Variants in COL25A1 observed in about 807,000 individuals in gnomAD.
COL25A1 encodes the protein collagen type XXV alpha 1 chain.
COL25A1 carries 103 observed loss-of-function variants against 128.4 expected under a neutral mutation model. That is an observed-to-expected ratio of 0.80 (90% confidence interval 0.68 to 0.94). The LOEUF (loss-of-function observed/expected upper bound fraction) is 0.94. Among genes scored for constraint, COL25A1 ranks in the 40% least tolerant of loss-of-function variants. The pLI is 0.00. For missense variants in COL25A1, 745 were observed against 840.0 expected (o/e 0.89, Z 1.40); for synonymous variants, 279 against 277.2 (o/e 1.01, Z -0.06).
intron 3 of COL25A1, among the ~76,000 whole-genome samples, chr4:109,130,606 G>A (rs1769103515): frequency 6.6e-6 from 1 of 152,100 alleles, no homozygotes; most frequent in African/African-American, 2.4e-5. Flanking sequence ...ATAGAAATGA[G>A]CAGCAAATGA....
Position 109,235,057 on chromosome 4 carries a change from T to A in COL25A1, c.367+65526A>T, listed in dbSNP as rs191243443. Among the ~76,000 whole-genome samples, 3 of 152,230 alleles carry A rather than the reference T, an allele frequency of 2.0e-5. No individual in the cohort carries two copies. The East Asian group carries it at 5.8e-4, about 29-fold the overall frequency. ...GCTGTGAAACCCAGCAGTCACTGTT[T>A]GGGTCAGAACAGGTTTGGAGCTCCT... On this transcript the variant is annotated intron_variant, in intron 3 of 37. Transcript: ENST00000399132.
chr4:108,875,508 T>G (rs989388065), intron 19 of COL25A1, among the ~76,000 whole-genome samples: 15 of 152,116 alleles, frequency 9.9e-5, no homozygotes, highest in Non-Finnish European at 2.2e-4. Context: ...AAAACCACAA[T>G]GAGATACCAT....
chr4:108,942,138 T>C (rs981735347), intron 8 of COL25A1: 6 of 1,484,898 alleles, frequency 4.0e-6, no homozygotes, highest in Non-Finnish European at 4.6e-6. Context: ...GGCAAGCCAA[T>C]TGAATGGTTC....
Position 108,950,182 on chromosome 4 carries a change from C to T in COL25A1, c.493-8745G>A, listed in dbSNP as rs148374588. On this transcript the variant is annotated intron_variant, in intron 8 of 37. Coordinates refer to ENST00000399132, the MANE Select transcript of COL25A1 (RefSeq NM_198721.4). ...AGGCATGAGGAGGCAGAGTGCAAGA[C>T]ATAACTTGTCTACCAACATTTCTAG... is the stretch of plus-strand genomic sequence containing the variant. Among the ~76,000 whole-genome samples the T allele has an allele frequency of 6.6e-5, 10 of 152,292 alleles. No homozygotes were observed. The East Asian group carries it at 1.9e-3, about 29-fold the overall frequency.
At chr4:109,257,663 C>T (rs1468833511) in intron 3 of COL25A1, among the ~76,000 whole-genome samples, 7 of 152,098 alleles carry the variant, frequency 4.6e-5, no homozygotes, top group Admixed American at 3.3e-4. Context: ...ATTGTTATTC[C>T]ACAAGTAAGC....
intron 5 of COL25A1, among the ~76,000 whole-genome samples, chr4:109,020,425 G>T (rs961698375): frequency 1.3e-5 from 2 of 149,550 alleles, no homozygotes; most frequent in Admixed American, 6.7e-5. Flanking sequence ...AAAATAAGTG[G>T]TTCATCTAAA....
chr4:109,114,616 T>C (rs919579782), intron 3 of COL25A1, among the ~76,000 whole-genome samples: 6 of 152,042 alleles, frequency 3.9e-5, no homozygotes, highest in Non-Finnish European at 5.9e-5. Context: ...TTACAAATAC[T>C]TCAGGAAGGC....
chr4:108,862,017 A>G (rs1278321930), intron 22 of COL25A1, among the ~76,000 whole-genome samples: 1 of 152,202 alleles, frequency 6.6e-6, no homozygotes, highest in Non-Finnish European at 1.5e-5. Context: ...AGCATTTTAA[A>G]TAATATGATT....
intron 6 of COL25A1, among the ~76,000 whole-genome samples, chr4:108,986,491 T>A (rs1247035848): frequency 3.1e-4 from 47 of 152,218 alleles, no homozygotes; most frequent in African/African-American, 1.1e-3. Context: ...GAATGTAACC[T>A]GTAGTTTAAA....
rs190312866 is a variant in COL25A1, at chr4:108,863,717, T to C, written c.1084-330A>G. On this transcript the variant is annotated intron_variant, in intron 20 of 37. Transcript: ENST00000399132. ...GAGTACGGAAGATCTACTTTCAACGTGAGGGGGCACCATCAAATCTGCTGG... is the reference window on the plus strand; with the variant it reads ...GAGTACGGAAGATCTACTTTCAACGCGAGGGGGCACCATCAAATCTGCTGG... Among the ~76,000 whole-genome samples, 314 of 152,208 alleles carry C rather than the reference T, an allele frequency of 2.1e-3. 2 individuals carry two copies. Among genetic ancestry groups the C allele is most frequent in the African/African-American group, 7.3e-3 (302 of 41,526 alleles).
At chr4:109,016,971 T>A (rs1035240192) in intron 5 of COL25A1, among the ~76,000 whole-genome samples, 1 of 152,234 alleles carries the variant, frequency 6.6e-6, no homozygotes, top group Non-Finnish European at 1.5e-5. Context: ...ATTCGCCATG[T>A]TGCGAGCACC....
chr4:109,014,072 C>T lies in COL25A1; in HGVS notation c.421-3697G>A, dbSNP rs576047282. Among the ~76,000 whole-genome samples the T allele has an allele frequency of 1.5e-4, 23 of 151,972 alleles. 1 individual carries two copies. Among genetic ancestry groups the T allele is most frequent in the Non-Finnish European group, 3.1e-4 (21 of 68,004 alleles). ...CTGTAATTCCAGCACTTTGGGAGGC[C>T]GAGGTGGGCGGTTCACTTGAGGTCA... On this transcript the variant is annotated intron_variant, in intron 5 of 37. Coordinates refer to ENST00000399132, the MANE Select transcript of COL25A1 (RefSeq NM_198721.4).
chr4:108,983,196 T>A (rs986144546), intron 6 of COL25A1, among the ~76,000 whole-genome samples: 7 of 152,202 alleles, frequency 4.6e-5, no homozygotes, highest in African/African-American at 7.2e-5. Flanking sequence ...GATTTTTTTT[T>A]AACTTATTTT....
At chr4:109,258,070 T>C (rs539747713) in intron 3 of COL25A1, among the ~76,000 whole-genome samples, 1 of 152,288 alleles carries the variant, frequency 6.6e-6, no homozygotes, top group South Asian at 2.1e-4. Flanking sequence ...CAGAGCCCAG[T>C]TGAGTTCCAG....
intron 32 of COL25A1, among the ~76,000 whole-genome samples, chr4:108,830,615 T>A (rs561647880): frequency 3.0e-4 from 45 of 152,254 alleles, no homozygotes; most frequent in Admixed American, 1.0e-3. Flanking sequence ...AATACAAGAG[T>A]AACACTTTAC....
intron 3 of COL25A1, among the ~76,000 whole-genome samples, chr4:109,089,275 A>C (rs560864150): frequency 2.0e-4 from 30 of 152,350 alleles, no homozygotes; most frequent in African/African-American, 7.0e-4. Context: ...ATTTCCAATG[A>C]AATTACATTA....
At chr4:108,872,896 T>C (rs1457655086) in intron 19 of COL25A1, among the ~76,000 whole-genome samples, 1 of 152,026 alleles carries the variant, frequency 6.6e-6, no homozygotes, top group Admixed American at 6.6e-5. Flanking sequence ...TTTTTTTTTC[T>C]TTTGTTTTTG....
chr4:109,062,980 T>C (rs1439818903), intron 3 of COL25A1, among the ~76,000 whole-genome samples: 1 of 152,234 alleles, frequency 6.6e-6, no homozygotes, highest in Non-Finnish European at 1.5e-5. Context: ...AGAATAGCCA[T>C]GAGTGCCTAT....
At chr4:108,913,414 A>G (rs1222691490) in intron 13 of COL25A1, among the ~76,000 whole-genome samples, 1 of 151,582 alleles carries the variant, frequency 6.6e-6, no homozygotes, top group Non-Finnish European at 1.5e-5. Context: ...ATGCACCACC[A>G]TGCCCCGCTG....
Sources: gnomAD v4.1 joint callset for allele counts (sites outside exome capture counted in the v4.1 genomes callset) on GRCh38, gnomAD v4.1.1 for gene constraint, MANE v1.5 for transcripts, NCBI Gene and HGNC (gene_info 2026-07-23, HGNC 2026-07-21) for gene names.